Variants in MSRB3 observed in about 807,000 individuals in gnomAD.
MSRB3 encodes the protein methionine sulfoxide reductase B3, also known as methionine-R-sulfoxide reductase B3.
In MSRB3, 13 loss-of-function variants were observed where a neutral mutation model predicts 21.0. The ratio of observed to expected loss-of-function variants is 0.62; its 90% CI spans 0.40 to 0.98. The LOEUF (loss-of-function observed/expected upper bound fraction) is 0.98. Among genes scored for constraint, MSRB3 ranks in the 50% least tolerant of loss-of-function variants. The pLI is 0.00. For missense variants in MSRB3, 199 were observed against 230.3 expected (o/e 0.86, Z 0.88); for synonymous variants, 87 against 88.6 (o/e 0.98, Z 0.10).
chr12:65,444,657 CT>C (rs1466481438), intron 5 of MSRB3, among the ~76,000 whole-genome samples: 1 of 152,140 alleles, frequency 6.6e-6, no homozygotes, highest in Non-Finnish European at 1.5e-5. Flanking sequence ...AGAGTAGTCT[CT>C]GTTCACTGTC....
At chr12:65,422,432 T>TATATATA (rs1565885205) in intron 5 of MSRB3, among the ~76,000 whole-genome samples, 45 of 64,376 alleles carry the variant, frequency 7.0e-4, no homozygotes, top group East Asian at 9.4e-4. Context: ...ATATATATAT[T>TATATATA]TATTTATTTA....
intron 5 of MSRB3, among the ~76,000 whole-genome samples, chr12:65,452,440 C>A (rs140444783): frequency 2.0e-5 from 3 of 152,238 alleles, no homozygotes; most frequent in South Asian, 2.1e-4. Flanking sequence ...AGAATATATT[C>A]AAATTCTCTT....
intron 5 of MSRB3, among the ~76,000 whole-genome samples, chr12:65,410,251 A>G (rs1168709498): frequency 1.3e-5 from 2 of 152,036 alleles, no homozygotes; most frequent in African/African-American, 2.4e-5. Flanking sequence ...ATCTTATTTT[A>G]TCTGGTTGAT....
chr12:65,316,413 G>C (rs907454975), intron 2 of MSRB3: 1 of 152,088 alleles, frequency 6.6e-6, no homozygotes, highest in Non-Finnish European at 1.5e-5. Context: ...AAATGTCATG[G>C]GTTTGATCAG....
At chr12:65,428,484 T>G (rs533120232) in intron 5 of MSRB3, among the ~76,000 whole-genome samples, 42 of 152,324 alleles carry the variant, frequency 2.8e-4, no homozygotes, top group African/African-American at 8.7e-4. Context: ...TCATTTATTC[T>G]TTTAAACACC....
chr12:65,437,275 A>G (rs1329123017), intron 5 of MSRB3, among the ~76,000 whole-genome samples: 1 of 151,844 alleles, frequency 6.6e-6, no homozygotes, highest in East Asian at 1.9e-4. Context: ...AAGAGTAGAG[A>G]TCGGCATAGC....
chr12:65,337,622 TG>T (rs1258484489), intron 4 of MSRB3, among the ~76,000 whole-genome samples: 2 of 152,018 alleles, frequency 1.3e-5, no homozygotes, highest in South Asian at 4.1e-4. Flanking sequence ...GATATAAAGT[TG>T]GAAGTATAAA....
At position 65,463,615 on chromosome 12, in the gene MSRB3, T is replaced by C. The variant is rs548789204; in HGVS notation, c.*293T>C. ...TTTGAGCACATGGCTTCTTTTGCAG[T>C]TTTTCCCCCTTTGATTCAGAAGCAG... On this transcript the variant is annotated 3_prime_UTR_variant, in exon 7 of 7. Coordinates refer to ENST00000308259, the MANE Select transcript of MSRB3 (RefSeq NM_001031679.3). 2.6e-5 allele frequency: 10 copies of C among 381,072 alleles called. No individual in the cohort carries two copies. Among genetic ancestry groups the C allele is most frequent in the African/African-American group, 2.1e-4 (10 of 48,106 alleles). 23.6% of individuals were successfully genotyped at this position (381,072 alleles called of 1,614,324 possible). A position where few individuals can be genotyped will look rare whatever the true frequency, so the allele number is the denominator to read the frequency against.
intron 6 of MSRB3, among the ~76,000 whole-genome samples, chr12:65,458,377 G>A (rs970429268): frequency 6.6e-6 from 1 of 152,188 alleles, no homozygotes; most frequent in African/African-American, 2.4e-5. Context: ...ACAGTACATT[G>A]TAAAGAGGTT....
chr12:65,447,779 T>C (rs969780495), intron 5 of MSRB3, among the ~76,000 whole-genome samples: 2 of 152,172 alleles, frequency 1.3e-5, no homozygotes, highest in African/African-American at 4.8e-5. Context: ...GTAGTATCTG[T>C]GAAACCTGGG....
chr12:65,307,343 G>A (rs1050098572), intron 1 of MSRB3, among the ~76,000 whole-genome samples: 2 of 152,112 alleles, frequency 1.3e-5, no homozygotes, highest in African/African-American at 4.8e-5. Flanking sequence ...GTTCAGGCAT[G>A]TTAATACAAG....
At chr12:65,346,540 G>A (rs1037351029) in intron 4 of MSRB3, among the ~76,000 whole-genome samples, 152 of 152,176 alleles carry the variant, frequency 1.0e-3, no homozygotes, top group Non-Finnish European at 1.8e-3. Context: ...TAGGTTGACT[G>A]TTCACTCTGA....
At chr12:65,458,492 G>T (rs1309507251) in intron 6 of MSRB3, among the ~76,000 whole-genome samples, 1 of 152,232 alleles carries the variant, frequency 6.6e-6, no homozygotes, top group Non-Finnish European at 1.5e-5. Flanking sequence ...AAGTGTTGCA[G>T]TGAGGTTCTT....
At chr12:65,290,636 C>T (rs1872617076) in intron 1 of MSRB3, among the ~76,000 whole-genome samples, 1 of 152,116 alleles carries the variant, frequency 6.6e-6, no homozygotes, top group African/African-American at 2.4e-5. Context: ...TGTTATCCTT[C>T]TAAAATATTT....
intron 5 of MSRB3, among the ~76,000 whole-genome samples, chr12:65,371,025 GT>G (rs1878286419): frequency 6.6e-6 from 1 of 152,110 alleles, no homozygotes; most frequent in Non-Finnish European, 1.5e-5. Context: ...GAAAATTTTG[GT>G]TAGAAATAAG....
At chr12:65,414,401 A>G (rs533246746) in intron 5 of MSRB3, among the ~76,000 whole-genome samples, 38 of 152,232 alleles carry the variant, frequency 2.5e-4, no homozygotes, top group Non-Finnish European at 5.6e-4. Context: ...ACATATAACA[A>G]TGGTGGTCCC....
intron 5 of MSRB3, among the ~76,000 whole-genome samples, chr12:65,385,623 G>A (rs779179851): frequency 7.2e-5 from 11 of 151,772 alleles, no homozygotes; most frequent in Admixed American, 2.0e-4. Flanking sequence ...AATTTGCTAC[G>A]CTGTGAATTC....
At chr12:65,339,735 G>A (rs1038339209) in intron 4 of MSRB3, among the ~76,000 whole-genome samples, 19 of 152,022 alleles carry the variant, frequency 1.2e-4, no homozygotes, top group Non-Finnish European at 7.4e-5. Flanking sequence ...TAGCTCAACA[G>A]GTTCCTTAAA....
At chr12:65,363,402 A>T (rs184448341) in intron 4 of MSRB3, among the ~76,000 whole-genome samples, 1 of 152,270 alleles carries the variant, frequency 6.6e-6, no homozygotes, top group African/African-American at 2.4e-5. Flanking sequence ...GTCCAGGAGT[A>T]TACAGCTGTA....
Sources: gnomAD v4.1 joint callset for allele counts (sites outside exome capture counted in the v4.1 genomes callset) on GRCh38, gnomAD v4.1.1 for gene constraint, MANE v1.5 for transcripts, NCBI Gene and HGNC (gene_info 2026-07-23, HGNC 2026-07-21) for gene names.